Variants in FILIP1L observed in about 807,000 individuals in gnomAD.
FILIP1L encodes filamin A interacting protein 1 like.
Under a neutral mutation model 96.6 loss-of-function variants are expected in FILIP1L, and 55 were observed. The observed-to-expected ratio is 0.57, with a 90% CI of 0.46 to 0.71. FILIP1L has a LOEUF of 0.71. Ranked by LOEUF, FILIP1L falls within the 30% of genes least tolerant of loss-of-function variation. FILIP1L has a pLI of 0.00. For missense variants in FILIP1L, 1,304 were observed against 1,321.2 expected, an observed-to-expected ratio of 0.99 and a Z score of 0.20; for synonymous variants, 467 against 473.9, an observed-to-expected ratio of 0.99 and a Z score of 0.19.
At position 99,929,264 on chromosome 3, in the gene FILIP1L, G is replaced by A. The variant is rs545224459; in HGVS notation, c.426+592C>T. Among the ~76,000 whole-genome samples the A allele has an allele frequency of 5.3e-5, 8 of 152,290 alleles. No individual in the cohort carries two copies. The East Asian group carries it at 7.7e-4, about 15-fold the overall frequency. ...CCTGTTGGGACTGCCCACCTTTGCC[G>A]TTGTAATTGCTAGGTACGCTTGGTG... On this transcript the variant is annotated intron_variant, in intron 3 of 5. Coordinates refer to ENST00000477258, the MANE Select transcript of FILIP1L (RefSeq NM_001387850.1).
At chr3:100,086,286 A>G (rs1388078680) in intron 1 of FILIP1L, among the ~76,000 whole-genome samples, 1 of 152,232 alleles carries the variant, frequency 6.6e-6, no homozygotes, top group Admixed American at 6.5e-5. Flanking sequence ...ACCACAGAAG[A>G]AAGGGACAGA....
chr3:99,905,026 C>T (rs1706567180), intron 4 of FILIP1L, among the ~76,000 whole-genome samples: 1 of 152,222 alleles, frequency 6.6e-6, no homozygotes, highest in Non-Finnish European at 1.5e-5. Flanking sequence ...ACTCTGACTT[C>T]ATCCTCTGCC....
intron 1 of FILIP1L, among the ~76,000 whole-genome samples, chr3:100,084,752 ATATT>A (rs1408270258): frequency 1.3e-5 from 2 of 152,218 alleles, no homozygotes; most frequent in Non-Finnish European, 2.9e-5. Flanking sequence ...CGAAAACTGA[ATATT>A]TATAAATCAA....
rs527409231 is a variant in FILIP1L, at chr3:99,911,541, C to T, written c.605+12689G>A. Among the ~76,000 whole-genome samples the T allele has an allele frequency of 1.6e-4, 25 of 151,816 alleles. No individual in the cohort carries two copies. The East Asian group carries it at 4.5e-3, about 27-fold the overall frequency. On this transcript the variant is annotated intron_variant, in intron 4 of 5. Transcript: ENST00000477258. ...GTTGTGGCATACAGGGTCTGTATGC[C>T]CTGGCTCTAAAATACTCATCCTCAC...
chr3:99,956,678 G>C (rs189403361), intron 1 of FILIP1L, among the ~76,000 whole-genome samples: 1 of 152,142 alleles, frequency 6.6e-6, no homozygotes, highest in South Asian at 2.1e-4. Context: ...CATAAGCATC[G>C]CCTCTTAAAT....
At chr3:99,871,410 G>A (rs1048433999) in intron 4 of FILIP1L, among the ~76,000 whole-genome samples, 9 of 152,176 alleles carry the variant, frequency 5.9e-5, no homozygotes, top group Admixed American at 3.9e-4. Context: ...ATTGTACCTC[G>A]GTACTTTCCT....
rs1472481059 is a variant in FILIP1L, at chr3:99,930,950, CTG to C, written c.69_70del (p.His23GlnfsTer6). 22 of 1,613,636 alleles carry C rather than the reference CTG, an allele frequency of 1.4e-5. No homozygotes were observed. The highest frequency in any genetic ancestry group is 1.8e-5 in the Non-Finnish European group (21 of 1,179,952). ...CTTCATGTTTTTAGGCCCTTGGAAA[CTG>C]TGGCCTTTAGTATGTCTTGGAAATT... On this transcript the variant is annotated frameshift_variant, in exon 2 of 6. Coordinates refer to ENST00000477258, the MANE Select transcript of FILIP1L (RefSeq NM_001387850.1). LOFTEE classifies it high-confidence loss of function.
intron 5 of FILIP1L, among the ~76,000 whole-genome samples, chr3:99,835,126 C>T (rs1329017055): frequency 6.6e-6 from 1 of 152,036 alleles, no homozygotes; most frequent in African/African-American, 2.4e-5. Context: ...CTCAACTTTC[C>T]TCTCTCTCCA....
At chr3:99,929,702 C>T (rs565548663) in intron 3 of FILIP1L, among the ~76,000 whole-genome samples, 154 bp downstream of exon 3, 1 of 152,282 alleles carries the variant, frequency 6.6e-6, no homozygotes, top group Admixed American at 6.5e-5. Flanking sequence ...TTTAACTTTC[C>T]TATTGAACTT....
At chr3:99,908,000 C>T (rs563170498) in intron 4 of FILIP1L, among the ~76,000 whole-genome samples, 19 of 152,330 alleles carry the variant, frequency 1.2e-4, no homozygotes, top group African/African-American at 3.8e-4. Flanking sequence ...GGTACTGAAA[C>T]TGTGTATTGA....
chr3:99,976,761 G>A (rs987023927), intron 1 of FILIP1L, among the ~76,000 whole-genome samples: 1 of 151,974 alleles, frequency 6.6e-6, no homozygotes. Context: ...GAGTTCTTCA[G>A]GTTTCTTGGA....
At chr3:99,941,886 A>G (rs932955675) in intron 1 of FILIP1L, among the ~76,000 whole-genome samples, 5 of 152,334 alleles carry the variant, frequency 3.3e-5, no homozygotes, top group Admixed American at 1.3e-4. Flanking sequence ...TTGATCAACA[A>G]TGCAATAGCA....
At chr3:99,903,064 T>C (rs772796925) in intron 4 of FILIP1L, among the ~76,000 whole-genome samples, 3 of 152,164 alleles carry the variant, frequency 2.0e-5, no homozygotes, top group Non-Finnish European at 2.9e-5. Flanking sequence ...ATTTATACTT[T>C]TGTGTCCCTA....
At chr3:100,079,382 T>C (rs975212977) in intron 1 of FILIP1L, among the ~76,000 whole-genome samples, 1 of 152,234 alleles carries the variant, frequency 6.6e-6, no homozygotes, top group Non-Finnish European at 1.5e-5. Context: ...TTCCATATAG[T>C]TGCTTAGTAA....
chr3:100,079,512 CAA>C (rs1335167416), intron 1 of FILIP1L, among the ~76,000 whole-genome samples: 2 of 152,112 alleles, frequency 1.3e-5, no homozygotes, highest in East Asian at 1.9e-4. Flanking sequence ...CATGAAAAAT[CAA>C]AAGAGTTATT....
At chr3:99,847,273 TAGGTAGCACCTACATTAA>T (rs897174770) in intron 5 of FILIP1L, among the ~76,000 whole-genome samples, 4 of 149,778 alleles carry the variant, frequency 2.7e-5, no homozygotes, top group Non-Finnish European at 5.9e-5. Context: ...ATGAACAGGG[TAGGTAGCACCTACATTAA>T]GTAATTCAAA....
chr3:99,927,797 G>A (rs1397269298), intron 3 of FILIP1L, among the ~76,000 whole-genome samples: 2 of 152,146 alleles, frequency 1.3e-5, no homozygotes, highest in Non-Finnish European at 2.9e-5. Context: ...CTTGTGGACT[G>A]AGTCCTTGCC....
chr3:100,068,361 T>A (rs1461894131), intron 1 of FILIP1L, among the ~76,000 whole-genome samples: 1 of 151,888 alleles, frequency 6.6e-6, no homozygotes, highest in African/African-American at 2.4e-5. Flanking sequence ...TGTGTGTGTG[T>A]GTGTGTGTGT....
chr3:100,067,774 G>A (rs1424892519), intron 1 of FILIP1L, among the ~76,000 whole-genome samples: 3 of 152,112 alleles, frequency 2.0e-5, no homozygotes, highest in Admixed American at 1.3e-4. Context: ...AGTCTCTGTG[G>A]TCTCTATCCA....
Sources: gnomAD v4.1 joint callset for allele counts (sites outside exome capture counted in the v4.1 genomes callset) on GRCh38, gnomAD v4.1.1 for gene constraint, MANE v1.5 for transcripts, NCBI Gene and HGNC (gene_info 2026-07-23, HGNC 2026-07-21) for gene names.